DAB1: variants seen among roughly 807,000 people sequenced by gnomAD.
The protein encoded by DAB1 is DAB adaptor protein 1.
DAB1 carries 15 observed loss-of-function variants against 64.6 expected under a neutral mutation model. That is an observed-to-expected ratio of 0.23 (90% CI 0.16 to 0.36). DAB1 has a LOEUF of 0.36. Ranked by LOEUF, DAB1 falls within the 10% of genes least tolerant of loss-of-function variation. DAB1 has a pLI of 1.00. For missense variants in DAB1, 596 were observed against 706.7 expected (o/e 0.84, Z 1.78); for synonymous variants, 235 against 251.9 (o/e 0.93, Z 0.64).
At chr1:57,737,039 T>C (rs2101783518) in intron 6 of DAB1, among the ~76,000 whole-genome samples, 1 of 152,256 alleles carries the variant, frequency 6.6e-6, no homozygotes, top group South Asian at 2.1e-4. Context: ...AGGCGGGTTT[T>C]CCGAGCCAGG....
intron 5 of DAB1, among the ~76,000 whole-genome samples, chr1:57,947,568 T>C (rs1330132187): frequency 6.6e-6 from 1 of 152,090 alleles, no homozygotes; most frequent in South Asian, 2.1e-4. Context: ...AAACGTCCCG[T>C]GGAAAGAAAA....
chr1:57,590,784 C>A (rs906839687), intron 7 of DAB1, among the ~76,000 whole-genome samples: 83 of 133,838 alleles, frequency 6.2e-4, no homozygotes, highest in African/African-American at 2.2e-3. Flanking sequence ...ACACACACAC[C>A]CCACTCACAT....
chr1:57,731,484 C>T lies in DAB1; in HGVS notation n.552-81819G>A, dbSNP rs137956242. ...TTGTTTTATGCTATGTATATCTTACCACAATAAAAAATGAAAAAAAAGAAT... is the reference window on the plus strand; with the variant it reads ...TTGTTTTATGCTATGTATATCTTACTACAATAAAAAATGAAAAAAAAGAAT... On this transcript the variant is annotated intron_variant and non_coding_transcript_variant, in intron 6 of 20. Coordinates refer to the DAB1 transcript ENST00000485760. Among the ~76,000 whole-genome samples, 1,137 of 151,964 alleles carry T rather than the reference C, an allele frequency of 7.5e-3. 11 individuals are homozygous for T. Among genetic ancestry groups the T allele is most frequent in the African/African-American group, 0.026 (1,081 of 41,410 alleles).
At chr1:57,809,040 TACAA>T (rs1651497792) in intron 6 of DAB1, among the ~76,000 whole-genome samples, 1 of 152,206 alleles carries the variant, frequency 6.6e-6, no homozygotes, top group African/African-American at 2.4e-5. Context: ...AATATGAACC[TACAA>T]ACAGAGAAGC....
intron 9 of DAB1, among the ~76,000 whole-genome samples, chr1:57,046,672 C>A (rs9651187): frequency 0.1 from 15,478 of 152,210 alleles, 1,479 homozygotes; most frequent in African/African-American, 0.25. Flanking sequence ...TAATGACAGA[C>A]TCACAGCAGC....
upstream of DAB1, among the ~76,000 whole-genome samples, chr1:57,885,274 G>T (rs1039180763): frequency 1.3e-5 from 2 of 152,082 alleles, no homozygotes. Flanking sequence ...TATTATAATT[G>T]TCATTAAAAA....
chr1:58,368,260 G>A (rs1644233565), intron 3 of DAB1, among the ~76,000 whole-genome samples: 1 of 152,150 alleles, frequency 6.6e-6, no homozygotes, highest in African/African-American at 2.4e-5. Context: ...GGAATTCATA[G>A]GATTTACTGG....
chr1:57,276,644 T>C (rs1671493671), intron 2 of DAB1, among the ~76,000 whole-genome samples: 1 of 152,200 alleles, frequency 6.6e-6, no homozygotes, highest in Non-Finnish European at 1.5e-5. Flanking sequence ...GGATTTGTTT[T>C]TCACAAGTGG....
At chr1:57,952,644 C>T (rs1165790992) in intron 5 of DAB1, among the ~76,000 whole-genome samples, 12 of 152,042 alleles carry the variant, frequency 7.9e-5, no homozygotes, top group African/African-American at 2.9e-4. Context: ...GAGAAGAGAG[C>T]AAAGCAAATA....
intron 6 of DAB1, among the ~76,000 whole-genome samples, chr1:57,692,947 T>C (rs182631658): frequency 1.3e-5 from 2 of 152,180 alleles, no homozygotes; most frequent in Admixed American, 6.5e-5. Flanking sequence ...TTAGGCACCA[T>C]GGCTTCTCCC....
intron 7 of DAB1, among the ~76,000 whole-genome samples, chr1:57,603,923 G>A (rs1178940611): frequency 6.6e-6 from 1 of 152,142 alleles, no homozygotes; most frequent in African/African-American, 2.4e-5. Flanking sequence ...TATTAAACCC[G>A]ACCGTTACCA....
intron 4 of DAB1, among the ~76,000 whole-genome samples, chr1:58,302,447 C>T (rs1346221891): frequency 6.6e-6 from 1 of 152,004 alleles, no homozygotes; most frequent in Non-Finnish European, 1.5e-5. Flanking sequence ...CTGAGCCTGA[C>T]CCAGAAAACT....
intron 4 of DAB1, among the ~76,000 whole-genome samples, chr1:58,172,057 C>A (rs538947270): frequency 6.6e-6 from 1 of 152,220 alleles, no homozygotes; most frequent in Admixed American, 6.5e-5. Flanking sequence ...CCGGATACAG[C>A]GAGATAGCCA....
intron 1 of DAB1, among the ~76,000 whole-genome samples, chr1:57,867,626 G>A (rs746970497): frequency 6.6e-6 from 1 of 152,130 alleles, no homozygotes; most frequent in Non-Finnish European, 1.5e-5. Flanking sequence ...TTTGTGCTAG[G>A]TGTGGCCACG....
At chr1:58,198,969 C>T (rs199867357) in intron 4 of DAB1, among the ~76,000 whole-genome samples, 9 of 152,040 alleles carry the variant, frequency 5.9e-5, no homozygotes, top group African/African-American at 1.7e-4. Context: ...TAGCTGGGCA[C>T]GGTGGCGCAT....
At chr1:57,145,713 G>A (rs189280300) in intron 2 of DAB1, among the ~76,000 whole-genome samples, 1 of 152,330 alleles carries the variant, frequency 6.6e-6, no homozygotes, top group Non-Finnish European at 1.5e-5. Flanking sequence ...AAATAAATCA[G>A]ATAATATGTG....
In DAB1 at chr1:57,303,890, C is replaced by A. The variant is rs377714543; in HGVS notation, c.-136-12724G>T. On this transcript the variant is annotated intron_variant, in intron 1 of 14. Transcript: ENST00000371236. The stretch of plus-strand genomic sequence containing the variant: ...GGCTATTCCTAACTCCAGAAAAACT[C>A]CCCCCTGCCTTACTGCTACGCATGG... 5.7e-4 allele frequency among the ~76,000 whole-genome samples: 87 copies of A among 152,180 alleles called. 1 individual carries two copies. In the South Asian group the frequency reaches 0.016, roughly 28 times the overall value.
chr1:58,513,831 T>C (rs1646119258), intron 2 of DAB1, among the ~76,000 whole-genome samples: 1 of 152,278 alleles, frequency 6.6e-6, no homozygotes, highest in African/African-American at 2.4e-5. Flanking sequence ...ACTTTACAGA[T>C]TAGATGAAGA....
At chr1:57,446,598 CAA>C (rs11418380) in intron 7 of DAB1, among the ~76,000 whole-genome samples, 23 of 132,778 alleles carry the variant, frequency 1.7e-4, no homozygotes, top group Admixed American at 2.2e-4. Flanking sequence ...AACTCCGTTG[CAA>C]AAAAAAAAAA....
Sources: gnomAD v4.1 joint callset for allele counts (sites outside exome capture counted in the v4.1 genomes callset) on GRCh38, gnomAD v4.1.1 for gene constraint, MANE v1.5 for transcripts, NCBI Gene and HGNC (gene_info 2026-07-23, HGNC 2026-07-21) for gene names.